Variants in ATRX observed in about 807,000 individuals in gnomAD.
The protein encoded by ATRX is chromatin remodeler ATRX.
A neutral mutation model predicts 172.6 loss-of-function variants in ATRX; 12 were observed. The observed-to-expected ratio is 0.07, with a 90% CI of 0.04 to 0.11. ATRX has a LOEUF of 0.11. Among genes scored for constraint, ATRX ranks in the 10% least tolerant of loss-of-function variants. ATRX has a pLI of 1.00. For missense variants in ATRX, 1,368 were observed against 1,767.4 expected, an observed-to-expected ratio of 0.77 and a Z score of 4.05; for synonymous variants, 674 against 594.7, an observed-to-expected ratio of 1.13 and a Z score of -1.94.
intron 19 of ATRX, among the ~76,000 whole-genome samples, chrX:77,625,463 CG>C (rs1170292853): frequency 8.9e-6 from 1 of 112,433 alleles, no homozygotes; most frequent in African/African-American, 3.2e-5. Flanking sequence ...AGACAACCCA[CG>C]GAGTGGGAGA....
rs1246722368 is a variant in ATRX at position 77,682,235 on chromosome X, T to C, written c.3021A>G (p.Gln1007=). The C allele has an allele frequency of 8.3e-7, 1 of 1,206,946 alleles. No individual in the cohort carries two copies. The highest frequency in any genetic ancestry group is 1.1e-6 in the Non-Finnish European group (1 of 893,629). The part of the protein sequence containing the change: ...DFKKKVIKME[Q]QYESSSDGTE... The stretch of plus-strand genomic sequence containing the variant: ...TGCCATCAGATGAAGATTCATACTG[T>C]TGTTCCATTTTAATTACTTTTTTCT... The change falls in exon 9 of 35, where the codon CAA becomes CAG. Residue 1007 remains glutamine (Q), a synonymous_variant. Transcript: ENST00000373344.
intron 27 of ATRX, among the ~76,000 whole-genome samples, chrX:77,587,865 G>T (rs142525250): frequency 8.9e-6 from 1 of 112,250 alleles, no homozygotes; most frequent in East Asian, 2.8e-4. Context: ...TCATGGATAA[G>T]ACATAATATT....
chrX:77,508,880 T>C (rs1344363174), intron 34 of ATRX, among the ~76,000 whole-genome samples: 3 of 112,366 alleles, frequency 2.7e-5, no homozygotes, highest in African/African-American at 9.7e-5. Context: ...TTAGTTGCCA[T>C]AGTAATGTGT....
chrX:77,772,688 G>A (rs782778174), intron 1 of ATRX, among the ~76,000 whole-genome samples: 37 of 106,548 alleles, frequency 3.5e-4, no homozygotes, highest in African/African-American at 1.3e-3. Context: ...TCACCATTTT[G>A]GACAGGATGG....
At chrX:77,756,914 T>C (rs1160780765) in intron 1 of ATRX, among the ~76,000 whole-genome samples, 9 of 109,736 alleles carry the variant, frequency 8.2e-5, no homozygotes, top group Non-Finnish European at 1.7e-4. Flanking sequence ...GCCTCCCAAG[T>C]AGCTGGGATT....
chrX:77,644,000 C>T (rs941899433), intron 15 of ATRX, among the ~76,000 whole-genome samples: 11 of 111,202 alleles, frequency 9.9e-5, no homozygotes, highest in African/African-American at 3.3e-4. Flanking sequence ...AATGCAATGG[C>T]GCAATCTTGG....
intron 17 of ATRX, chrX:77,634,349 C>T (rs189668691): frequency 2.0e-4 from 56 of 285,286 alleles, no homozygotes; most frequent in African/African-American, 1.5e-3. Flanking sequence ...CAAACATTAC[C>T]TCCTAAAAGA....
intron 19 of ATRX, among the ~76,000 whole-genome samples, chrX:77,627,460 T>C (rs1337505060): frequency 9.0e-6 from 1 of 110,666 alleles, no homozygotes; most frequent in African/African-American, 3.3e-5. Context: ...ACTTGGTGGC[T>C]CACACCTGTA....
chrX:77,652,284 C>T lies in ATRX; in HGVS notation c.4387G>A (p.Glu1463Lys), dbSNP rs782295246. 1.7e-6 allele frequency: 2 copies of T among 1,208,170 alleles called. No homozygotes were observed. Among genetic ancestry groups the T allele is most frequent in the South Asian group, 1.8e-5 (1 of 56,883 alleles). ...EEEEEEEEEE[E>K]EDENDDSKSP... ...TTGGAATCATCATTTTCATCTTCCTCCTCCTCTTCCTCCTCCTCCTCCTCT... is the reference window on the plus strand; with the variant it reads ...TTGGAATCATCATTTTCATCTTCCTTCTCCTCTTCCTCCTCCTCCTCCTCT... Residue 1463 changes from glutamate to lysine, a missense_variant, in exon 15 of 35, where the codon GAG becomes AAG. Coordinates refer to ENST00000373344, the MANE Select transcript of ATRX (RefSeq NM_000489.6).
chrX:77,777,567 A>G (rs998304235), intron 1 of ATRX, among the ~76,000 whole-genome samples: 3 of 111,918 alleles, frequency 2.7e-5, no homozygotes, highest in Admixed American at 9.6e-5. Flanking sequence ...ACCCTTTTGG[A>G]AAAAATCCAC....
chrX:77,516,833 CA>C (rs2147712820), intron 34 of ATRX, among the ~76,000 whole-genome samples: 1 of 111,750 alleles, frequency 8.9e-6, no homozygotes, highest in Non-Finnish European at 1.9e-5. Flanking sequence ...TATTAGGCCA[CA>C]AAACAAGTCT....
chrX:77,524,419 T>A (rs990262748), intron 30 of ATRX, among the ~76,000 whole-genome samples: 2 of 111,939 alleles, frequency 1.8e-5, no homozygotes, highest in Non-Finnish European at 3.8e-5. Flanking sequence ...CACCTAGTGA[T>A]GCTTAATGCA....
At chrX:77,653,022 GA>G (rs1224591526) in intron 14 of ATRX, among the ~76,000 whole-genome samples, 10 of 92,349 alleles carry the variant, frequency 1.1e-4, no homozygotes, top group South Asian at 4.8e-4. Context: ...AAAAAAAAAA[GA>G]AAAAAAGAAA....
chrX:77,616,233 GAAAC>G, intron 22 of ATRX: 1 of 844,958 alleles, frequency 1.2e-6, no homozygotes, highest in Non-Finnish European at 1.4e-6. Flanking sequence ...AAATAACTGA[GAAAC>G]AAACTCATGA....
At chrX:77,651,161 G>A (rs2069201956) in intron 15 of ATRX, among the ~76,000 whole-genome samples, 1 of 90,963 alleles carries the variant, frequency 1.1e-5, no homozygotes, top group Non-Finnish European at 2.1e-5. Flanking sequence ...AGGTTGCAGT[G>A]AGCCGAGATT....
chrX:77,520,990 T>C, intron 33 of ATRX, 74 bp from the exon 34 acceptor site: 1 of 1,058,363 alleles, frequency 9.4e-7, no homozygotes, highest in Non-Finnish European at 1.3e-6. Flanking sequence ...TTTTAAGATA[T>C]TCGGGATTTC....
At chrX:77,772,643 G>T (rs964620888) in intron 1 of ATRX, among the ~76,000 whole-genome samples, 1 of 99,687 alleles carries the variant, frequency 1.0e-5, no homozygotes, top group South Asian at 4.6e-4. Context: ...TGCCCAGCTA[G>T]TTTTTTTTTT....
intron 3 of ATRX, among the ~76,000 whole-genome samples, chrX:77,697,942 T>C (rs1252475765): frequency 1.8e-5 from 2 of 111,711 alleles, no homozygotes; most frequent in East Asian, 5.5e-4. Flanking sequence ...AAAATGATCA[T>C]GGCCCCAGTC....
chrX:77,754,163 T>C (rs1159930181), intron 1 of ATRX, among the ~76,000 whole-genome samples: 14 of 106,143 alleles, frequency 1.3e-4, no homozygotes, highest in Non-Finnish European at 2.6e-4. Context: ...ACAACACCCC[T>C]TTTTTTTTTG....
Sources: gnomAD v4.1 joint callset for allele counts (sites outside exome capture counted in the v4.1 genomes callset) on GRCh38, gnomAD v4.1.1 for gene constraint, MANE v1.5 for transcripts, NCBI Gene and HGNC (gene_info 2026-07-23, HGNC 2026-07-21) for gene names.